The following LDB2 variants were observed in gnomAD, a reference collection of about 807,000 sequenced individuals.
The protein encoded by LDB2 is LIM domain-binding protein 2.
LDB2 carries 12 observed loss-of-function variants against 44.3 expected under a neutral mutation model. The ratio of observed to expected loss-of-function variants is 0.27; its 90% CI spans 0.17 to 0.44. The LOEUF is 0.44. Among genes scored for constraint, LDB2 ranks in the 20% least tolerant of loss-of-function variants. LDB2 has a pLI of 1.00. For missense variants in LDB2, 344 were observed against 473.5 expected, an observed-to-expected ratio of 0.73 and a Z score of 2.54; for synonymous variants, 164 against 174.8, an observed-to-expected ratio of 0.94 and a Z score of 0.49.
At chr4:16,541,044 T>C (rs553044034) in intron 5 of LDB2, among the ~76,000 whole-genome samples, 4 of 152,196 alleles carry the variant, frequency 2.6e-5, no homozygotes, top group Admixed American at 2.6e-4. Flanking sequence ...ATTGTGCTTA[T>C]TGTATAATAG....
intron 1 of LDB2, among the ~76,000 whole-genome samples, chr4:16,823,692 A>G (rs1033877422): frequency 6.6e-6 from 1 of 152,170 alleles, no homozygotes; most frequent in South Asian, 2.1e-4. Context: ...GAAATAAATA[A>G]ATAACTAGCT....
At chr4:16,558,688 C>T (rs1359038888) in intron 5 of LDB2, among the ~76,000 whole-genome samples, 2 of 152,068 alleles carry the variant, frequency 1.3e-5, no homozygotes, top group African/African-American at 4.8e-5. Flanking sequence ...GGCCAACATT[C>T]AGATTCAGGA....
At chr4:16,540,013 A>C (rs551083916) in intron 5 of LDB2, among the ~76,000 whole-genome samples, 1 of 152,338 alleles carries the variant, frequency 6.6e-6, no homozygotes, top group South Asian at 2.1e-4. Flanking sequence ...GGAAACTTAT[A>C]ATCATGGCAG....
chr4:16,508,751 T>C, intron 6 of LDB2, 65 bp from the exon 7 acceptor site: 1 of 1,506,130 alleles, frequency 6.6e-7, no homozygotes, highest in Non-Finnish European at 9.0e-7. Flanking sequence ...ATCATCAGTA[T>C]GGTTACTCTA....
intron 2 of LDB2, among the ~76,000 whole-genome samples, chr4:16,687,146 T>A (rs908134964): frequency 1.3e-5 from 2 of 152,150 alleles, no homozygotes; most frequent in African/African-American, 4.8e-5. Flanking sequence ...AGTTCATTAA[T>A]GTAATGCCAT....
At chr4:16,708,336 T>A (rs147606151) in intron 2 of LDB2, among the ~76,000 whole-genome samples, 1,672 of 152,094 alleles carry the variant, frequency 0.011, 31 homozygotes, top group African/African-American at 0.037. Context: ...AATAAATAAA[T>A]TTTGAAAATT....
At chr4:16,626,490 C>G (rs1403108656) in intron 2 of LDB2, among the ~76,000 whole-genome samples, 1 of 152,166 alleles carries the variant, frequency 6.6e-6, no homozygotes, top group Non-Finnish European at 1.5e-5. Flanking sequence ...TTTGAAAATA[C>G]CTATTCCCAA....
At chr4:16,860,773 C>T (rs570520776) in intron 1 of LDB2, among the ~76,000 whole-genome samples, 1 of 152,336 alleles carries the variant, frequency 6.6e-6, no homozygotes, top group South Asian at 2.1e-4. Context: ...CAGTGATCCA[C>T]ATTTGTGGAC....
Position 16,591,417 on chromosome 4 carries a change from C to T in LDB2, c.409-2585G>A, listed in dbSNP as rs544327269. Among the ~76,000 whole-genome samples, 18 of 152,286 alleles carry T rather than the reference C, an allele frequency of 1.2e-4. No homozygotes were observed. The South Asian group carries it at 1.5e-3, about 12-fold the overall frequency. ...ATGGAAAATTGCAGCAGGCCTTGGG[C>T]TCCTCCTAGTTTCAGTCAAAACCAA... On this transcript the variant is annotated intron_variant, in intron 3 of 7. Coordinates refer to ENST00000304523, the MANE Select transcript of LDB2 (RefSeq NM_001290.5).
At chr4:16,763,883 G>T (rs930461168) in intron 1 of LDB2, among the ~76,000 whole-genome samples, 1 of 152,110 alleles carries the variant, frequency 6.6e-6, no homozygotes, top group African/African-American at 2.4e-5. Context: ...TGTTGGGTAA[G>T]TGGGAATAAT....
intron 1 of LDB2, among the ~76,000 whole-genome samples, chr4:16,821,668 C>T (rs1404780194): frequency 6.1e-5 from 9 of 146,462 alleles, no homozygotes; most frequent in African/African-American, 1.3e-4. Flanking sequence ...GGATTACAGG[C>T]GTGAGCCACC....
At chr4:16,607,817 T>C (rs1479619662) in intron 2 of LDB2, among the ~76,000 whole-genome samples, 1 of 152,188 alleles carries the variant, frequency 6.6e-6, no homozygotes, top group Non-Finnish European at 1.5e-5. Context: ...TTATGAGATG[T>C]TTGGCAAGTG....
At chr4:16,681,514 G>A (rs1747855117) in intron 2 of LDB2, among the ~76,000 whole-genome samples, 1 of 150,334 alleles carries the variant, frequency 6.7e-6, no homozygotes, top group South Asian at 2.1e-4. Flanking sequence ...ATACATAGGT[G>A]TTACATCAAA....
At chr4:16,888,426 A>T (rs1028958730) in intron 1 of LDB2, among the ~76,000 whole-genome samples, 1 of 152,168 alleles carries the variant, frequency 6.6e-6, no homozygotes, top group Admixed American at 6.5e-5. Flanking sequence ...CTAGCCTTGA[A>T]TTTGCAGGAG....
At chr4:16,622,504 A>T (rs146771920) in intron 2 of LDB2, among the ~76,000 whole-genome samples, 3 of 152,328 alleles carry the variant, frequency 2.0e-5, no homozygotes, top group East Asian at 3.9e-4. Flanking sequence ...TGGGGATTAA[A>T]GACAAGATAT....
intron 2 of LDB2, among the ~76,000 whole-genome samples, chr4:16,733,009 T>C (rs1247457613): frequency 7.9e-5 from 12 of 152,064 alleles, no homozygotes. Flanking sequence ...AAATCACAAT[T>C]GGGAGAACTA....
At chr4:16,807,858 C>A (rs1779075402) in intron 1 of LDB2, among the ~76,000 whole-genome samples, 1 of 152,116 alleles carries the variant, frequency 6.6e-6, no homozygotes, top group African/African-American at 2.4e-5. Context: ...TCAAAGATTT[C>A]TAAACAGGGC....
chr4:16,570,445 A>G (rs1194777670), intron 5 of LDB2, among the ~76,000 whole-genome samples: 1 of 127,448 alleles, frequency 7.8e-6, no homozygotes, highest in Non-Finnish European at 1.6e-5. Context: ...CCTGGGAGAC[A>G]GAGCAAGACT....
At chr4:16,523,920 G>A (rs568483079) in intron 5 of LDB2, among the ~76,000 whole-genome samples, 3 of 152,252 alleles carry the variant, frequency 2.0e-5, no homozygotes, top group South Asian at 2.1e-4. Context: ...CTAATATTAC[G>A]CCCTAGCTAA....
Sources: allele counts gnomAD v4.1 joint callset (sites outside exome capture counted in the v4.1 genomes callset), GRCh38; gene constraint gnomAD v4.1.1; transcripts MANE v1.5; gene names NCBI Gene and HGNC (gene_info 2026-07-23, HGNC 2026-07-21).